Variants in CDC7 observed in about 807,000 individuals in gnomAD.
CDC7 encodes cell division cycle 7, also known as cell division cycle 7-related protein kinase.
Under a neutral mutation model 53.5 loss-of-function variants are expected in CDC7, and 34 were observed. The ratio of observed to expected loss-of-function variants is 0.64; its 90% CI spans 0.48 to 0.85. The LOEUF is 0.85. CDC7 is among the 40% of genes least tolerant of loss of function. CDC7 has a pLI of 0.00. For missense variants in CDC7, 594 were observed against 679.7 expected (o/e 0.87, Z 1.40); for synonymous variants, 211 against 222.8 (o/e 0.95, Z 0.47).
chr1:91,509,002 C>T (rs1389880811), intron 4 of CDC7, among the ~76,000 whole-genome samples: 2 of 152,122 alleles, frequency 1.3e-5, no homozygotes, highest in Non-Finnish European at 2.9e-5. Context: ...ACTATAGAGT[C>T]AATCATTACT....
In CDC7 at chr1:91,513,120, A is replaced by C. The variant is rs146637092; in HGVS notation, c.635A>C (p.Lys212Thr). The change falls in exon 7 of 12, where the codon AAA (lysine) becomes ACA (threonine). Residue 212 changes from lysine to threonine, a missense_variant. Lys to Thr is a moderately conservative substitution (Grantham distance 78). Coordinates refer to ENST00000234626, the MANE Select transcript of CDC7 (RefSeq NM_003503.4). ...GTHDTKIELL[K>T]FVQSEAQQER... ...CATGATACGAAAATAGAGCTTCTTA[A>C]ATTTGTCCAGTCTGAAGCTCAGCAG... 158 of 1,613,568 alleles carry C rather than the reference A, an allele frequency of 9.8e-5. No homozygotes were observed. The highest frequency in any genetic ancestry group is 4.9e-4 in the Middle Eastern group (3 of 6,062).
At chr1:91,519,256 CAAAAA>C (rs71087957) in intron 10 of CDC7, among the ~76,000 whole-genome samples, 1 of 60,172 alleles carries the variant, frequency 1.7e-5, no homozygotes, top group Non-Finnish European at 3.5e-5. Context: ...ACTAAAAATA[CAAAAA>C]AAAAAAAAAA....
At chr1:91,509,032 A>G (rs932079659) in intron 4 of CDC7, among the ~76,000 whole-genome samples, 1 of 152,130 alleles carries the variant, frequency 6.6e-6, no homozygotes, top group African/African-American at 2.4e-5. Flanking sequence ...ATTTAACACA[A>G]TTGACGTGAA....
chr1:91,502,002 G>C (rs141634682), intron 2 of CDC7, among the ~76,000 whole-genome samples, 171 bp downstream of exon 2: 1 of 152,294 alleles, frequency 6.6e-6, no homozygotes, highest in African/African-American at 2.4e-5. Context: ...ACTGAATTGC[G>C]ATTTGGAAGA....
chr1:91,502,587 A>T (rs544091172), intron 2 of CDC7, among the ~76,000 whole-genome samples: 1 of 152,298 alleles, frequency 6.6e-6, no homozygotes, highest in East Asian at 1.9e-4. Flanking sequence ...ATATGACATC[A>T]CATACTTTCT....
chr1:91,514,080 G>A (rs889149891), intron 8 of CDC7, 37 bp downstream of exon 8: 1 of 1,302,778 alleles, frequency 7.7e-7, no homozygotes, highest in Non-Finnish European at 1.1e-6. Context: ...TGGTCAGTCA[G>A]TCATACACTG....
chr1:91,502,360 C>T (rs897841496), intron 2 of CDC7, among the ~76,000 whole-genome samples: 2 of 152,150 alleles, frequency 1.3e-5, no homozygotes, highest in Admixed American at 6.5e-5. Context: ...TGTGTACCTT[C>T]ATTTCTGCTC....
At chr1:91,502,443 CTG>C (rs1002069745) in intron 2 of CDC7, among the ~76,000 whole-genome samples, 11 of 151,860 alleles carry the variant, frequency 7.2e-5, no homozygotes, top group African/African-American at 1.5e-4. Flanking sequence ...TTCTAGTTGA[CTG>C]TATTTTTTTT....
At chr1:91,512,244 A>C (rs1437285931) in intron 6 of CDC7, among the ~76,000 whole-genome samples, 2 of 152,086 alleles carry the variant, frequency 1.3e-5, no homozygotes, top group Non-Finnish European at 2.9e-5. Context: ...ATAATATAAC[A>C]TACTGCAATA....
intron 2 of CDC7, among the ~76,000 whole-genome samples, chr1:91,507,473 C>T (rs767342340): frequency 6.6e-6 from 1 of 152,132 alleles, no homozygotes; most frequent in East Asian, 1.9e-4. Context: ...TGTATCTTTA[C>T]GGGAAATAGT....
intron 7 of CDC7, 98 bp from the exon 8 acceptor site, chr1:91,513,850 T>C: frequency 1.3e-6 from 1 of 799,046 alleles, no homozygotes. Context: ...TGTTTTTGTT[T>C]CATCTCACTT....
rs1408014682 is a variant in CDC7, at chr1:91,508,430, G to C, written c.335+33G>C. The C allele has an allele frequency of 5.2e-6, 8 of 1,541,098 alleles. No individual in the cohort carries two copies. In the Admixed American group the frequency reaches 1.1e-4, roughly 21 times the overall value. On this transcript the variant is annotated intron_variant, in intron 4 of 11. Coordinates refer to ENST00000234626, the MANE Select transcript of CDC7 (RefSeq NM_003503.4). ...ATTTAAACATATTTTAATTGAACTT[G>C]TATATAATTTATAAGATTTTAAAGT...
chr1:91,509,756 G>GA (rs972080400), intron 4 of CDC7, among the ~76,000 whole-genome samples: 1 of 151,150 alleles, frequency 6.6e-6, no homozygotes, highest in Admixed American at 6.6e-5. Context: ...TATGTACTTT[G>GA]AAAAAAAAAT....
intron 10 of CDC7, among the ~76,000 whole-genome samples, chr1:91,518,299 T>A (rs1210963834): frequency 3.9e-5 from 6 of 151,914 alleles, no homozygotes; most frequent in Non-Finnish European, 8.8e-5. Flanking sequence ...GAATGTAAAT[T>A]AGTACAACCA....
At chr1:91,514,148 G>A in intron 8 of CDC7, 105 bp downstream of exon 8, 1 of 677,422 alleles carries the variant, frequency 1.5e-6, no homozygotes, top group Non-Finnish European at 2.4e-6. Context: ...TTTTAAACTA[G>A]AGTTTGGCTT....
intron 2 of CDC7, among the ~76,000 whole-genome samples, chr1:91,502,563 C>T (rs1294728644): frequency 6.6e-6 from 1 of 151,996 alleles, no homozygotes; most frequent in African/African-American, 2.4e-5. Flanking sequence ...TCTTTATAAC[C>T]CCACCCTAGA....
At chr1:91,510,231 A>G (rs1185971409) in intron 4 of CDC7, among the ~76,000 whole-genome samples, 1 of 152,150 alleles carries the variant, frequency 6.6e-6, no homozygotes, top group Non-Finnish European at 1.5e-5. Flanking sequence ...AGAAAAAAAA[A>G]AAAGAGTGAC....
intron 1 of CDC7, chr1:91,501,373 C>T: frequency 4.0e-6 from 1 of 250,580 alleles, no homozygotes; most frequent in South Asian, 1.1e-4. Flanking sequence ...CACGCGGTCC[C>T]GCTGGCTGTG....
chr1:91,515,935 T>C lies in CDC7; in HGVS notation c.1180+59T>C, dbSNP rs2102378621. ...AATGGATTGTTCCAGACGTATTTTATTTTATGATCTTTGTCTATTTATAAC... is the reference window on the plus strand; with the variant it reads ...AATGGATTGTTCCAGACGTATTTTACTTTATGATCTTTGTCTATTTATAAC... On this transcript the variant is annotated intron_variant, in intron 10 of 11. Coordinates refer to ENST00000234626, the MANE Select transcript of CDC7 (RefSeq NM_003503.4). The C allele has an allele frequency of 5.3e-6, 7 of 1,330,308 alleles. No homozygotes were observed. In the East Asian group the frequency reaches 1.4e-4, roughly 26 times the overall value. 82.4% of individuals were successfully genotyped at this position (1,330,308 alleles called of 1,614,324 possible). A position where few individuals can be genotyped will look rare whatever the true frequency, so the allele number is the denominator to read the frequency against.
Sources: gnomAD v4.1 joint callset for allele counts (sites outside exome capture counted in the v4.1 genomes callset) on GRCh38, gnomAD v4.1.1 for gene constraint, MANE v1.5 for transcripts, NCBI Gene and HGNC (gene_info 2026-07-23, HGNC 2026-07-21) for gene names.